The following RALGAPA2 variants were observed in gnomAD, a reference collection of about 807,000 sequenced individuals.
The protein encoded by RALGAPA2 is ral GTPase-activating protein subunit alpha-2.
In RALGAPA2, 139 loss-of-function variants were observed where a neutral mutation model predicts 230.4. The ratio of observed to expected loss-of-function variants is 0.60; its 90% CI spans 0.53 to 0.69. RALGAPA2 has a LOEUF of 0.69. Among genes scored for constraint, RALGAPA2 ranks in the 30% least tolerant of loss-of-function variants. The pLI is 0.00. For missense variants in RALGAPA2, 2,163 were observed against 2,276.0 expected (o/e 0.95, Z 1.01); for synonymous variants, 847 against 837.8 (o/e 1.01, Z -0.19).
rs73292790 is a variant in RALGAPA2 at position 20,619,241 on chromosome 20, G to A, written c.1539+36C>T. On this transcript the variant is annotated intron_variant, in intron 12 of 39. Transcript: ENST00000202677. ...AGACAAAATGGCTCCAGCTGTAGGC[G>A]GTGGAGGGGTCTTCATGTCCTGGCC... 2.1e-3 allele frequency: 3,283 copies of A among 1,546,722 alleles called. 52 individuals are homozygous for A. In the African/African-American group the frequency reaches 0.038, roughly 18 times the overall value.
chr20:20,448,348 C>T (rs114166579), intron 37 of RALGAPA2, among the ~76,000 whole-genome samples: 235 of 152,090 alleles, frequency 1.5e-3, no homozygotes, highest in African/African-American at 5.4e-3. Flanking sequence ...ATAGGTTGTC[C>T]GGTTGTTAAA....
intron 20 of RALGAPA2, among the ~76,000 whole-genome samples, chr20:20,581,785 G>A (rs1327548996): frequency 2.0e-5 from 3 of 151,538 alleles, no homozygotes; most frequent in East Asian, 1.9e-4. Context: ...TATCAGAGAC[G>A]TTAGTTAAAT....
At chr20:20,685,377 A>G (rs554635947) in intron 1 of RALGAPA2, among the ~76,000 whole-genome samples, 2 of 152,364 alleles carry the variant, frequency 1.3e-5, no homozygotes, top group South Asian at 4.1e-4. Flanking sequence ...TGGGGAAGCT[A>G]GGAATGCTAA....
At chr20:20,672,147 C>A (rs1045296566) in intron 3 of RALGAPA2, among the ~76,000 whole-genome samples, 6 of 152,158 alleles carry the variant, frequency 3.9e-5, no homozygotes, top group African/African-American at 1.2e-4. Context: ...AACCAGAACC[C>A]TCAAATGGAG....
intron 26 of RALGAPA2, among the ~76,000 whole-genome samples, chr20:20,534,555 A>C (rs2063451555): frequency 2.0e-5 from 3 of 148,360 alleles, no homozygotes; most frequent in African/African-American, 7.3e-5. Context: ...AGTACTGTCA[A>C]AAAAAAAAAA....
At chr20:20,697,442 T>C (rs1054245848) in intron 1 of RALGAPA2, among the ~76,000 whole-genome samples, 5 of 152,232 alleles carry the variant, frequency 3.3e-5, no homozygotes, top group Admixed American at 2.6e-4. Flanking sequence ...GTTTTATGAT[T>C]ATTAGCACAA....
Position 20,712,514 on chromosome 20 carries a change from G to C in RALGAPA2, c.-34C>G. 6.5e-7 allele frequency: 1 copy of C among 1,533,600 alleles called. No homozygotes were observed. The highest frequency in any genetic ancestry group is 8.8e-7 in the Non-Finnish European group (1 of 1,139,732). 95.0% of individuals were successfully genotyped at this position (1,533,600 alleles called of 1,614,324 possible). A position where few individuals can be genotyped will look rare whatever the true frequency, so the allele number is the denominator to read the frequency against. On this transcript the variant is annotated 5_prime_UTR_variant, in exon 1 of 40. Transcript: ENST00000202677. The surrounding 1 kb of genome is among the most constrained non-coding windows in gnomAD (Gnocchi z 5.5). ...AGGAAGCCCGGGCCCCGCCGGCGGG[G>C]CAGTAGGCGCCTGCGCCACGCGAAT...
At chr20:20,531,592 T>G in intron 27 of RALGAPA2, 95 bp downstream of exon 27, 1 of 1,043,080 alleles carries the variant, frequency 9.6e-7, no homozygotes, top group Non-Finnish European at 1.4e-6. Flanking sequence ...CCTCTGTCAT[T>G]TGGGGGATAA....
chr20:20,629,771 C>CG (rs1326733801), intron 9 of RALGAPA2, among the ~76,000 whole-genome samples, 181 bp from the exon 10 acceptor site: 6 of 152,194 alleles, frequency 3.9e-5, no homozygotes, highest in African/African-American at 1.4e-4. Flanking sequence ...AATTTTCTAA[C>CG]TAACCAACAA....
intron 37 of RALGAPA2, among the ~76,000 whole-genome samples, chr20:20,447,453 G>A (rs563725438): frequency 9.8e-4 from 149 of 152,274 alleles, no homozygotes; most frequent in Non-Finnish European, 1.9e-3. Context: ...TCAACAGCAA[G>A]GGGCTCCAGA....
chr20:20,656,576 T>C (rs2067596009), intron 3 of RALGAPA2, among the ~76,000 whole-genome samples: 3 of 152,218 alleles, frequency 2.0e-5, no homozygotes, highest in Non-Finnish European at 2.9e-5. Flanking sequence ...CTAACATTAA[T>C]TTTAGATGGA....
chr20:20,679,415 T>C (rs1365639256), intron 2 of RALGAPA2, among the ~76,000 whole-genome samples: 2 of 152,202 alleles, frequency 1.3e-5, no homozygotes, highest in African/African-American at 4.8e-5. Flanking sequence ...CTCAGATGAA[T>C]GACAGCATCA....
Position 20,495,184 on chromosome 20 carries a change from T to A in RALGAPA2, c.5300A>T (p.Asp1767Val). The A allele has an allele frequency of 6.2e-7, 1 of 1,611,994 alleles. No individual in the cohort carries two copies. The highest frequency in any genetic ancestry group is 8.5e-7 in the Non-Finnish European group (1 of 1,178,290). The change falls in exon 36 of 40, where the codon GAT becomes GTT. Residue 1767 changes from aspartate (D) to valine (V), a missense_variant. Asp to Val is a radical substitution (Grantham distance 152, BLOSUM62 -3). Transcript: ENST00000202677. ...CATTGGGTAAATAATGATTGAAACATCTCCAAAGGCAGTTGGGATAATACC... is the reference window on the plus strand; with the variant it reads ...CATTGGGTAAATAATGATTGAAACAACTCCAAAGGCAGTTGGGATAATACC... ...RRGIIPTAFG[D>V]VSIIIYPMKN...
chr20:20,546,892 G>A, intron 23 of RALGAPA2, 60 bp from the exon 24 acceptor site: 1 of 1,486,878 alleles, frequency 6.7e-7, no homozygotes, highest in South Asian at 1.4e-5. Context: ...TTCCAAAGTA[G>A]TGTTTGTAGT....
intron 37 of RALGAPA2, among the ~76,000 whole-genome samples, chr20:20,458,559 T>G (rs1413762689): frequency 1.5e-5 from 2 of 135,044 alleles, no homozygotes; most frequent in Admixed American, 7.9e-5. Context: ...ATTTTATATA[T>G]ATTATATATA....
intron 2 of RALGAPA2, among the ~76,000 whole-genome samples, chr20:20,676,670 A>G (rs1049161447): frequency 6.6e-6 from 1 of 152,246 alleles, no homozygotes; most frequent in African/African-American, 2.4e-5. Flanking sequence ...AGATAACTAT[A>G]AAAGTAGTAT....
chr20:20,620,413 T>TTA, intron 11 of RALGAPA2, 50 bp downstream of exon 11: 1 of 1,575,940 alleles, frequency 6.3e-7, no homozygotes, highest in East Asian at 2.2e-5. Context: ...CAAGTATACT[T>TTA]TACTAAAATA....
intron 1 of RALGAPA2, among the ~76,000 whole-genome samples, chr20:20,690,269 C>A (rs2068855374): frequency 6.6e-6 from 1 of 152,128 alleles, no homozygotes; most frequent in Non-Finnish European, 1.5e-5. Flanking sequence ...TCCTTTAATA[C>A]ACAGCACCCC....
intron 3 of RALGAPA2, among the ~76,000 whole-genome samples, chr20:20,656,310 G>A (rs775936256): frequency 6.6e-6 from 1 of 152,196 alleles, no homozygotes; most frequent in African/African-American, 2.4e-5. Flanking sequence ...AAACATTTAC[G>A]AGTATTTATA....
Sources: gnomAD v4.1 joint callset for allele counts (sites outside exome capture counted in the v4.1 genomes callset) on GRCh38, gnomAD v4.1.1 for gene constraint, Gnocchi (gnomAD v3.1) non-coding constraint, MANE v1.5 for transcripts, NCBI Gene and HGNC (gene_info 2026-07-23, HGNC 2026-07-21) for gene names.